GPCPD1: variants seen among roughly 807,000 people sequenced by gnomAD.
The protein encoded by GPCPD1 is glycerophosphocholine phosphodiesterase 1.
Under a neutral mutation model 89.2 loss-of-function variants are expected in GPCPD1, and 29 were observed. That is an observed-to-expected ratio of 0.33 (90% confidence interval 0.24 to 0.44). GPCPD1 has a LOEUF of 0.44. Among genes scored for constraint, GPCPD1 ranks in the 20% least tolerant of loss-of-function variants. The probability of loss-of-function intolerance (pLI) is 1.00; values close to 1 mark genes in which losing one functional copy is unlikely to be tolerated. For synonymous variants in GPCPD1, 258 were observed against 266.3 expected (o/e 0.97, Z 0.30); for missense variants, 594 against 808.9 (o/e 0.73, Z 3.22).
At chr20:5,588,016 T>C (rs6053520) in intron 4 of GPCPD1, among the ~76,000 whole-genome samples, 39,398 of 152,108 alleles carry the variant, frequency 0.26, 5,442 homozygotes, top group East Asian at 0.43. Flanking sequence ...GCTATAATAG[T>C]TCACCTTAAT....
At chr20:5,584,441 G>A (rs1568666646) in intron 5 of GPCPD1, 119 bp from the exon 6 acceptor site, 1 of 532,632 alleles carries the variant, frequency 1.9e-6, no homozygotes, top group Non-Finnish European at 3.4e-6. Context: ...CTTAAAAGCA[G>A]CCCAAGGTGA....
At chr20:5,565,181 AGT>A in intron 14 of GPCPD1, 103 bp from the exon 15 acceptor site, 7 of 699,368 alleles carry the variant, frequency 1.0e-5, no homozygotes, top group East Asian at 5.1e-5. Flanking sequence ...AGAGAGAGAG[AGT>A]GTGTGTGTGA....
In GPCPD1 at chr20:5,568,646, T is replaced by C. The variant is rs1986536743; in HGVS notation, c.1150-1086A>G. Among the ~76,000 whole-genome samples the C allele has an allele frequency of 2.0e-5, 3 of 152,162 alleles. No homozygotes were observed. In the South Asian group the frequency reaches 6.2e-4, roughly 32 times the overall value. On this transcript the variant is annotated intron_variant, in intron 12 of 19. Coordinates refer to ENST00000379019, the MANE Select transcript of GPCPD1 (RefSeq NM_019593.5). Reference sequence around the variant, plus strand: ...TTGGCCGGGTGCAGTGGCTCACATCTGTAATCCCAGCACTTTGGGAGGCTG... The same window carrying C: ...TTGGCCGGGTGCAGTGGCTCACATCCGTAATCCCAGCACTTTGGGAGGCTG...
chr20:5,551,628 T>C (rs1268877556), intron 19 of GPCPD1, among the ~76,000 whole-genome samples: 3 of 152,012 alleles, frequency 2.0e-5, no homozygotes, highest in Non-Finnish European at 4.4e-5. Flanking sequence ...CTTGAAACTA[T>C]ACAAAACTAC....
At chr20:5,550,101 G>A (rs900536410) in intron 19 of GPCPD1, among the ~76,000 whole-genome samples, 4 of 151,926 alleles carry the variant, frequency 2.6e-5, no homozygotes, top group Non-Finnish European at 5.9e-5. Context: ...ACTGAGGCAT[G>A]AGAATTTGCT....
intron 2 of GPCPD1, among the ~76,000 whole-genome samples, chr20:5,600,185 T>C (rs1217711199): frequency 1.3e-5 from 2 of 152,236 alleles, no homozygotes; most frequent in Non-Finnish European, 2.9e-5. Flanking sequence ...GCCACCTGCA[T>C]GAGCATTTTA....
rs968670028 is a variant in GPCPD1, at chr20:5,546,105, A to C, written c.*1556T>G. The C allele has an allele frequency of 2.6e-5, 4 of 152,258 alleles. No individual in the cohort carries two copies. The highest frequency in any genetic ancestry group is 5.9e-5 in the Non-Finnish European group (4 of 68,046). 9.4% of individuals were successfully genotyped at this position (152,258 alleles called of 1,614,324 possible). A position where few individuals can be genotyped will look rare whatever the true frequency, so the allele number is the denominator to read the frequency against. On this transcript the variant is annotated 3_prime_UTR_variant, in exon 20 of 20. Transcript: ENST00000379019. ...CCAAAATTTTGGAAAATCTCATACA[A>C]TGTGGGAAAAGTATACAGAACCCTT... is the stretch of plus-strand genomic sequence containing the variant.
At chr20:5,570,711 T>C (rs906536343) in intron 11 of GPCPD1, among the ~76,000 whole-genome samples, 1 of 152,190 alleles carries the variant, frequency 6.6e-6, no homozygotes, top group African/African-American at 2.4e-5. Flanking sequence ...GTACAGCCTT[T>C]CTCAGCAAAA....
chr20:5,593,048 C>T (rs1402284859), intron 4 of GPCPD1, among the ~76,000 whole-genome samples: 2 of 152,156 alleles, frequency 1.3e-5, no homozygotes, highest in East Asian at 1.9e-4. Context: ...AACTAGTTTA[C>T]AAAAGTTACC....
Position 5,561,472 on chromosome 20 carries a change from T to G in GPCPD1, c.1388A>C (p.Gln463Pro), listed in dbSNP as rs765398981. The part of the protein sequence containing the change: ...GFNIEIKWIC[Q>P]QRDGMWDGNL... ...GCATAGAGAATTACTTACCCTTTGC[T>G]GGCAGATCCATTTTATTTCAATGTT... The change falls in exon 16 of 20, where the codon CAG becomes CCG. Residue 463 changes from glutamine to proline, a missense_variant. Physicochemically the swap from Gln to Pro is moderately conservative, Grantham distance 76. Coordinates refer to ENST00000379019, the MANE Select transcript of GPCPD1 (RefSeq NM_019593.5). 2 of 1,565,492 alleles carry G rather than the reference T, an allele frequency of 1.3e-6. No individual in the cohort carries two copies. Among genetic ancestry groups the G allele is most frequent in the Non-Finnish European group, 1.8e-6 (2 of 1,136,944 alleles).
intron 11 of GPCPD1, 117 bp from the exon 12 acceptor site, chr20:5,570,356 C>A: frequency 1.8e-5 from 4 of 217,178 alleles, no homozygotes; most frequent in Non-Finnish European, 2.8e-5. Flanking sequence ...CAAACTTTTT[C>A]TAAAAAGTAA....
intron 4 of GPCPD1, among the ~76,000 whole-genome samples, chr20:5,592,099 A>G (rs1421989230): frequency 6.6e-6 from 1 of 152,242 alleles, no homozygotes; most frequent in Non-Finnish European, 1.5e-5. Flanking sequence ...CTTACTTTAG[A>G]AAACTATGCC....
At chr20:5,580,251 G>A (rs1391598649) in intron 6 of GPCPD1, 120 bp from the exon 7 acceptor site, 4 of 538,926 alleles carry the variant, frequency 7.4e-6, no homozygotes, top group Admixed American at 3.6e-5. Flanking sequence ...AACCTCCAAA[G>A]GAAATACATT....
At chr20:5,585,468 G>A (rs952297675) in intron 5 of GPCPD1, 1 of 152,020 alleles carries the variant, frequency 6.6e-6, no homozygotes, top group African/African-American at 2.4e-5. Context: ...ATTTACAGAT[G>A]AATACATGTG....
intron 1 of GPCPD1, among the ~76,000 whole-genome samples, chr20:5,606,844 CAT>C (rs903173743): frequency 6.6e-6 from 1 of 152,166 alleles, no homozygotes; most frequent in Non-Finnish European, 1.5e-5. Flanking sequence ...AATACATACA[CAT>C]ATATATATTT....
intron 16 of GPCPD1, 68 bp from the exon 17 acceptor site, chr20:5,560,144 T>C: frequency 8.8e-7 from 1 of 1,134,480 alleles, no homozygotes; most frequent in Non-Finnish European, 1.2e-6. Flanking sequence ...ACTCTGTTTT[T>C]ATTCTGGCAA....
At chr20:5,565,894 A>T (rs1220502321) in intron 14 of GPCPD1, among the ~76,000 whole-genome samples, 1 of 152,260 alleles carries the variant, frequency 6.6e-6, no homozygotes, top group East Asian at 1.9e-4. Context: ...AGTGGAAAAA[A>T]TTAAAATATC....
At chr20:5,582,113 G>A (rs1469946607) in intron 6 of GPCPD1, among the ~76,000 whole-genome samples, 1 of 140,732 alleles carries the variant, frequency 7.1e-6, no homozygotes, top group Non-Finnish European at 1.5e-5. Flanking sequence ...GTGAACCCGG[G>A]AGGCGGAGCT....
intron 8 of GPCPD1, among the ~76,000 whole-genome samples, chr20:5,576,751 G>A (rs1344588946): frequency 2.0e-5 from 3 of 152,068 alleles, no homozygotes; most frequent in Admixed American, 1.3e-4. Flanking sequence ...AACTCTCTAG[G>A]AAACCAAATA....
Sources: allele counts gnomAD v4.1 joint callset (sites outside exome capture counted in the v4.1 genomes callset), GRCh38; gene constraint gnomAD v4.1.1; transcripts MANE v1.5; gene names NCBI Gene and HGNC (gene_info 2026-07-23, HGNC 2026-07-21).